The following C21orf58 variants were observed in gnomAD, a reference collection of about 807,000 sequenced individuals.
The protein encoded by C21orf58 is uncharacterized protein C21orf58.
A neutral mutation model predicts 35.8 loss-of-function variants in C21orf58; 34 were observed. The ratio of observed to expected loss-of-function variants is 0.95; its 90% CI spans 0.72 to 1.26. C21orf58 has a LOEUF of 1.26. Among genes scored for constraint, C21orf58 ranks in the 50% most tolerant of loss-of-function variants. The probability of loss-of-function intolerance (pLI) is 0.00; values close to 1 mark genes in which losing one functional copy is unlikely to be tolerated. For synonymous variants in C21orf58, 191 were observed against 175.8 expected (o/e 1.09, Z -0.68); for missense variants, 440 against 414.3 (o/e 1.06, Z -0.54).
chr21:46,317,338 T>C, intron 2 of C21orf58, 70 bp from the exon 3 acceptor site: 1 of 1,570,278 alleles, frequency 6.4e-7, no homozygotes, highest in African/African-American at 1.3e-5. Context: ...CAGGAATGAC[T>C]AAGAGGCTTT....
At chr21:46,309,712 G>A (rs1360286050) in intron 6 of C21orf58, among the ~76,000 whole-genome samples, 1 of 151,552 alleles carries the variant, frequency 6.6e-6, no homozygotes, top group Non-Finnish European at 1.5e-5. Context: ...TCTAGAAAAT[G>A]CAGGCCAGGC....
downstream of C21orf58, chr21:46,300,684 C>T (rs2145869176): frequency 7.8e-7 from 1 of 1,282,702 alleles, no homozygotes; most frequent in East Asian, 5.6e-5. Context: ...AGCTCTGCAG[C>T]TCAGTGGCAA....
intron 1 of C21orf58, among the ~76,000 whole-genome samples, chr21:46,319,701 A>T (rs966899117): frequency 6.6e-6 from 1 of 151,636 alleles, no homozygotes; most frequent in Non-Finnish European, 1.5e-5. Context: ...GGTCGAGACA[A>T]CCTGGCCAAC....
chr21:46,319,610 A>T (rs987317266), intron 1 of C21orf58, among the ~76,000 whole-genome samples: 7 of 152,276 alleles, frequency 4.6e-5, no homozygotes, highest in East Asian at 3.9e-4. Context: ...AAAAAATAAT[A>T]AAAAAGGGCC....
At chr21:46,319,352 G>C (rs1480884612) in intron 1 of C21orf58, among the ~76,000 whole-genome samples, 1 of 152,190 alleles carries the variant, frequency 6.6e-6, no homozygotes, top group Non-Finnish European at 1.5e-5. Flanking sequence ...CCTCCCTCCA[G>C]ATCTGTGGAG....
intron 1 of C21orf58, among the ~76,000 whole-genome samples, chr21:46,320,135 CG>C (rs756406336): frequency 1.3e-3 from 204 of 151,660 alleles, no homozygotes; most frequent in Non-Finnish European, 2.3e-3. Flanking sequence ...GAGTTTTGCT[CG>C]TTGCCCAGGC....
At chr21:46,322,599 C>T (rs768308233) in intron 1 of C21orf58, 40 bp downstream of exon 1, 2 of 1,457,964 alleles carry the variant, frequency 1.4e-6, no homozygotes, top group South Asian at 1.5e-5. Flanking sequence ...CACCCAATTC[C>T]GAGTCTGGGA....
chr21:46,306,043 T>G (rs1409764893), intron 6 of C21orf58, among the ~76,000 whole-genome samples: 1 of 148,970 alleles, frequency 6.7e-6, no homozygotes, highest in Non-Finnish European at 1.5e-5. Context: ...TGGACCTGCC[T>G]TAGGTGATAT....
intron 5 of C21orf58, 182 bp from the exon 6 acceptor site, chr21:46,311,749 A>G: frequency 2.4e-6 from 1 of 422,962 alleles, no homozygotes; most frequent in East Asian, 3.6e-5. Flanking sequence ...CCATCCACCC[A>G]CTCATCCATC....
intron 5 of C21orf58, among the ~76,000 whole-genome samples, chr21:46,312,484 A>AATTTTTGTGTTT (rs2082777383): frequency 6.6e-6 from 1 of 151,758 alleles, no homozygotes; most frequent in Admixed American, 6.6e-5. Context: ...ACGCCCGGCT[A>AATTTTTGTGTTT]ATTTTTGTGT....
At chr21:46,318,410 G>C in intron 1 of C21orf58, 190 bp from the exon 2 acceptor site, 1 of 1,430,566 alleles carries the variant, frequency 7.0e-7, no homozygotes, top group Non-Finnish European at 9.1e-7. Context: ...TGGCCAGCTG[G>C]GCTTCATGGG....
At chr21:46,303,213 C>A (rs1181964432) in intron 6 of C21orf58, among the ~76,000 whole-genome samples, 1 of 152,000 alleles carries the variant, frequency 6.6e-6, no homozygotes, top group Admixed American at 6.6e-5. Context: ...GTGGTGCATG[C>A]CTGTAGTCCC....
intron 7 of C21orf58, 118 bp downstream of exon 7, chr21:46,302,367 A>G: frequency 9.3e-7 from 1 of 1,072,240 alleles, no homozygotes; most frequent in Non-Finnish European, 1.3e-6. Context: ...TCACAGCCAG[A>G]CTGTAGACCT....
chr21:46,304,559 A>G (rs1014237447), intron 6 of C21orf58, among the ~76,000 whole-genome samples: 2 of 152,108 alleles, frequency 1.3e-5, no homozygotes, highest in African/African-American at 4.8e-5. Flanking sequence ...TGCAAATTAA[A>G]CCAGAATGAA....
In C21orf58 at chr21:46,301,644, T is replaced by C. The variant is rs914394228; in HGVS notation, c.*355A>G. The C allele has an allele frequency of 9.2e-7, 1 of 1,086,904 alleles. No homozygotes were observed. Among genetic ancestry groups the C allele is most frequent in the African/African-American group, 1.6e-5 (1 of 60,876 alleles). 67.3% of individuals were successfully genotyped at this position (1,086,904 alleles called of 1,614,324 possible). On this transcript the variant is annotated 3_prime_UTR_variant, in exon 8 of 8. Transcript: ENST00000291691. Reference sequence around the variant, plus strand: ...TCTTTATTTCATCAGGCTGGTGGCGTCCACGGCCTCAACTTTACCTCCGTG... The same window carrying C: ...TCTTTATTTCATCAGGCTGGTGGCGCCCACGGCCTCAACTTTACCTCCGTG...
chr21:46,304,297 TG>T (rs1314037030), intron 6 of C21orf58, among the ~76,000 whole-genome samples: 3 of 152,014 alleles, frequency 2.0e-5, no homozygotes, highest in Non-Finnish European at 4.4e-5. Flanking sequence ...CCCAAAGTGA[TG>T]GGATTACAGG....
Position 46,310,303 on chromosome 21 carries a change from C to T in C21orf58, c.721+1153G>A, listed in dbSNP as rs185886108. 1.8e-4 allele frequency among the ~76,000 whole-genome samples: 27 copies of T among 151,734 alleles called. 2 individuals carry two copies. Among genetic ancestry groups the T allele is most frequent in the African/African-American group, 5.8e-4 (24 of 41,352 alleles). On this transcript the variant is annotated intron_variant, in intron 6 of 7. Transcript: ENST00000291691. ...ACCAGCCTGGCCAACATAGTGAAACCCCTGTCTCTACCAAAAATACAACAA... is the reference window on the plus strand; with the variant it reads ...ACCAGCCTGGCCAACATAGTGAAACTCCTGTCTCTACCAAAAATACAACAA...
At chr21:46,314,076 C>T (rs2082860592) in intron 5 of C21orf58, among the ~76,000 whole-genome samples, 2 of 152,056 alleles carry the variant, frequency 1.3e-5, no homozygotes, top group Admixed American at 1.3e-4. Flanking sequence ...CACTATTTAC[C>T]TTTAACATTC....
chr21:46,303,745 ATTTTTTTTTT>A (rs869177693), intron 6 of C21orf58, among the ~76,000 whole-genome samples: 404 of 23,616 alleles, frequency 0.017, 7 homozygotes, highest in Admixed American at 0.028. Flanking sequence ...ATATATATAT[ATTTTTTTTTT>A]TTTTTTTTTT....
Sources: allele counts gnomAD v4.1 joint callset (sites outside exome capture counted in the v4.1 genomes callset), GRCh38; gene constraint gnomAD v4.1.1; transcripts MANE v1.5; gene names NCBI Gene and HGNC (gene_info 2026-07-23, HGNC 2026-07-21).